The following MPZL1 variants were observed in gnomAD, a reference collection of about 807,000 sequenced individuals.
The protein encoded by MPZL1 is myelin protein zero-like protein 1.
Under a neutral mutation model 29.3 loss-of-function variants are expected in MPZL1, and 16 were observed. That is an observed-to-expected ratio of 0.55 (90% CI 0.37 to 0.83). The LOEUF is 0.83. MPZL1 is among the 40% of genes least tolerant of loss of function. The pLI is 0.00. For missense variants in MPZL1, 279 were observed against 332.9 expected (o/e 0.84, Z 1.26); for synonymous variants, 143 against 132.0 (o/e 1.08, Z -0.57).
chr1:167,746,373 G>A (rs796801777), intron 1 of MPZL1, among the ~76,000 whole-genome samples: 3 of 152,216 alleles, frequency 2.0e-5, no homozygotes, highest in African/African-American at 4.8e-5. Context: ...TCTGTGTGCC[G>A]TGCGAGGGAG....
intron 3 of MPZL1, 100 bp from the exon 4 acceptor site, chr1:167,773,136 G>T: frequency 7.8e-7 from 1 of 1,274,616 alleles, no homozygotes; most frequent in South Asian, 1.4e-5. Context: ...AGAGGGTACG[G>T]TAACTGCTAA....
At chr1:167,751,200 C>A (rs1158535418) in intron 1 of MPZL1, among the ~76,000 whole-genome samples, 1 of 152,170 alleles carries the variant, frequency 6.6e-6, no homozygotes, top group Non-Finnish European at 1.5e-5. Flanking sequence ...AGGCAACTAT[C>A]ATGTTTCTCC....
At chr1:167,738,514 C>T (rs1398220140) in intron 1 of MPZL1, among the ~76,000 whole-genome samples, 4 of 152,114 alleles carry the variant, frequency 2.6e-5, no homozygotes, top group African/African-American at 9.7e-5. Flanking sequence ...TGGTTTGGCT[C>T]TGTGTCCCCA....
intron 2 of MPZL1, among the ~76,000 whole-genome samples, chr1:167,768,835 G>A (rs557697057): frequency 1.3e-5 from 2 of 152,298 alleles, no homozygotes; most frequent in South Asian, 2.1e-4. Context: ...GCTCATCCCC[G>A]CTGGTTCAGA....
chr1:167,748,196 G>T (rs1660686554), intron 1 of MPZL1, among the ~76,000 whole-genome samples: 1 of 152,102 alleles, frequency 6.6e-6, no homozygotes, highest in Non-Finnish European at 1.5e-5. Context: ...ATAACTCTGT[G>T]TTTAACCATT....
intron 5 of MPZL1, among the ~76,000 whole-genome samples, chr1:167,779,371 G>A (rs887178012): frequency 6.6e-6 from 1 of 151,924 alleles, no homozygotes; most frequent in Non-Finnish European, 1.5e-5. Flanking sequence ...GATCACCTGA[G>A]GTCAGGAGTT....
intron 1 of MPZL1, among the ~76,000 whole-genome samples, chr1:167,741,246 T>C (rs1372092935): frequency 6.9e-6 from 1 of 144,904 alleles, no homozygotes; most frequent in Non-Finnish European, 1.5e-5. Context: ...GGTCTTGACC[T>C]CTTGGGCTCA....
intron 1 of MPZL1, among the ~76,000 whole-genome samples, chr1:167,727,806 C>T (rs1197408795): frequency 6.6e-6 from 1 of 151,946 alleles, no homozygotes; most frequent in Non-Finnish European, 1.5e-5. Flanking sequence ...GTGGTTGTCT[C>T]CTGGGATCTT....
At position 167,788,905 on chromosome 1, in the gene MPZL1, T is replaced by C. The variant is rs970916117; in HGVS notation, c.*984T>C. ...TTTTTTTTTTTTTTTTGAGGTAGAG[T>C]CTCACTATGTTGCCCAGACTAGCCT... On this transcript the variant is annotated 3_prime_UTR_variant, in exon 6 of 6. Transcript: ENST00000359523. The C allele has an allele frequency of 2.0e-5, 3 of 147,402 alleles. No individual in the cohort carries two copies. Among genetic ancestry groups the C allele is most frequent in the Non-Finnish European group, 3.0e-5 (2 of 67,300 alleles). The allele number at this position is 147,402 out of a possible 1,614,324, so 9.1% of individuals were successfully genotyped here. A position where few individuals can be genotyped will look rare whatever the true frequency, so the allele number is the denominator to read the frequency against.
chr1:167,747,310 ATCCAGGCTCAGGCAGTCTTCCCATCTCAG>A (rs1428992681), intron 1 of MPZL1, among the ~76,000 whole-genome samples: 1 of 152,094 alleles, frequency 6.6e-6, no homozygotes, highest in African/African-American at 2.4e-5. Context: ...AGCCTCAACT[ATCCAGGCTCAGGCAGTCTTCCCATCTCAG>A]TCTCTCAAAT....
chr1:167,780,445 A>C (rs1161911781), intron 5 of MPZL1, among the ~76,000 whole-genome samples: 7 of 152,246 alleles, frequency 4.6e-5, no homozygotes, highest in African/African-American at 1.4e-4. Flanking sequence ...TTGTACATCC[A>C]TGTTCATAGC....
chr1:167,766,866 G>C (rs928188503), intron 2 of MPZL1, among the ~76,000 whole-genome samples: 11 of 152,218 alleles, frequency 7.2e-5, no homozygotes, highest in African/African-American at 2.2e-4. Flanking sequence ...CTCTCAGGTA[G>C]AAAAATCTGC....
intron 5 of MPZL1, among the ~76,000 whole-genome samples, chr1:167,785,513 A>G (rs1661574301): frequency 1.3e-5 from 2 of 152,212 alleles, no homozygotes; most frequent in Non-Finnish European, 2.9e-5. Flanking sequence ...GTAGAGAAAC[A>G]GATTTCTACT....
At chr1:167,766,385 G>T (rs995078264) in intron 2 of MPZL1, among the ~76,000 whole-genome samples, 1 of 152,168 alleles carries the variant, frequency 6.6e-6, no homozygotes, top group Non-Finnish European at 1.5e-5. Flanking sequence ...TGACTATCTT[G>T]GTTCTGGTCT....
chr1:167,773,512 G>A (rs1661296468), intron 4 of MPZL1, 144 bp downstream of exon 4: 2 of 909,684 alleles, frequency 2.2e-6, no homozygotes, highest in South Asian at 2.1e-5. Context: ...CTTAGGAGGT[G>A]TTCTAACATG....
chr1:167,762,526 A>G (rs1661010591), intron 1 of MPZL1, among the ~76,000 whole-genome samples: 1 of 152,206 alleles, frequency 6.6e-6, no homozygotes, highest in Non-Finnish European at 1.5e-5. Flanking sequence ...ATAGCTCAGC[A>G]TTTGCCTTAC....
At chr1:167,736,746 G>A (rs972299605) in intron 1 of MPZL1, among the ~76,000 whole-genome samples, 1 of 152,146 alleles carries the variant, frequency 6.6e-6, no homozygotes, top group African/African-American at 2.4e-5. Context: ...CAAGAGGCTT[G>A]AGACTCCTAG....
intron 5 of MPZL1, among the ~76,000 whole-genome samples, chr1:167,777,802 A>G (rs1205495177): frequency 1.3e-5 from 2 of 152,202 alleles, no homozygotes; most frequent in African/African-American, 2.4e-5. Context: ...TACACAGGGT[A>G]TTGGTTGGGG....
rs1660042040 is a variant in MPZL1 at position 167,722,162 on chromosome 1, C to G, written c.11C>G (p.Ser4Cys). Residue 4 changes from serine (S) to cysteine (C), a missense_variant, in exon 1 of 6, where the codon TCC (serine) becomes TGC (cysteine). Physicochemically the swap from Ser to Cys is moderately radical, Grantham distance 112 (BLOSUM62 -1). Coordinates refer to ENST00000359523, the MANE Select transcript of MPZL1 (RefSeq NM_003953.6). ...TGCAGTGGCTGGACGATGGCAGCGT[C>G]CGCCGGAGCCGGGGCGGTGATTGCA... MAASAGAGAVIAAP... is the reference protein window; with the variant it reads MAACAGAGAVIAAP... 1 of 1,236,040 alleles carries G rather than the reference C, an allele frequency of 8.1e-7. No individual in the cohort carries two copies. The highest frequency in any genetic ancestry group is 1.6e-5 in the African/African-American group (1 of 64,354). The allele number at this position is 1,236,040 out of a possible 1,614,324, so 76.6% of individuals were successfully genotyped here. A position where few individuals can be genotyped will look rare whatever the true frequency, so the allele number is the denominator to read the frequency against.
Sources: gnomAD v4.1 joint callset for allele counts (sites outside exome capture counted in the v4.1 genomes callset) on GRCh38, gnomAD v4.1.1 for gene constraint, MANE v1.5 for transcripts, NCBI Gene and HGNC (gene_info 2026-07-23, HGNC 2026-07-21) for gene names.